NXPH2: variants seen among roughly 807,000 people sequenced by gnomAD.
NXPH2 encodes neurexophilin 2, also known as neurexophilin-2.
Under a neutral mutation model 19.8 loss-of-function variants are expected in NXPH2, and 5 were observed. The ratio of observed to expected loss-of-function variants is 0.25; its 90% CI spans 0.13 to 0.53. The LOEUF is 0.53. Among genes scored for constraint, NXPH2 ranks in the 20% least tolerant of loss-of-function variants. NXPH2 has a pLI of 0.96. For synonymous variants in NXPH2, 154 were observed against 127.4 expected (o/e 1.21, Z -1.41); for missense variants, 289 against 322.8 (o/e 0.90, Z 0.80).
chr2:138,679,193 G>A (rs998988369), intron 1 of NXPH2, among the ~76,000 whole-genome samples: 15 of 152,196 alleles, frequency 9.9e-5, no homozygotes, highest in African/African-American at 3.4e-4. Flanking sequence ...GAGCTTCTGG[G>A]GTTCAACTTC....
At chr2:138,690,680 GTTAC>G (rs1307398813) in intron 1 of NXPH2, among the ~76,000 whole-genome samples, 3 of 151,984 alleles carry the variant, frequency 2.0e-5, no homozygotes, top group African/African-American at 7.2e-5. Context: ...TAGGCTGCAA[GTTAC>G]TTACAGTGTC....
At chr2:138,733,535 A>G (rs1251611673) in intron 1 of NXPH2, among the ~76,000 whole-genome samples, 2 of 152,214 alleles carry the variant, frequency 1.3e-5, no homozygotes, top group Non-Finnish European at 2.9e-5. Context: ...AAATGAATGG[A>G]GAGACATGTG....
At chr2:138,724,202 T>A (rs1219640214) in intron 1 of NXPH2, among the ~76,000 whole-genome samples, 2 of 152,248 alleles carry the variant, frequency 1.3e-5, no homozygotes, top group Non-Finnish European at 2.9e-5. Flanking sequence ...TTTGGTTTTC[T>A]GTTCCTGTGT....
chr2:138,765,814 C>T (rs1408943112), intron 1 of NXPH2, among the ~76,000 whole-genome samples: 2 of 152,176 alleles, frequency 1.3e-5, no homozygotes, highest in Non-Finnish European at 2.9e-5. Context: ...TTAATTGTAA[C>T]AAATTTGCAT....
Position 138,671,453 on chromosome 2 carries a change from C to G in NXPH2, c.264G>C (p.Thr88=), listed in dbSNP as rs779942366. The G allele has an allele frequency of 1.9e-6, 3 of 1,613,764 alleles. No homozygotes were observed. The highest frequency in any genetic ancestry group is 2.7e-5 in the African/African-American group (2 of 74,930). The change falls in exon 2 of 2, where the codon ACG becomes ACC. Residue 88 remains threonine, a synonymous_variant. Coordinates refer to ENST00000272641, the MANE Select transcript of NXPH2 (RefSeq NM_007226.3). ...ENFWDWLANI[T]EIQEPLARTK... is the part of the protein sequence containing the mutation. Reference sequence around the variant, plus strand: ...TTCTTGCCAATGGCTCCTGAATCTCCGTGATGTTGGCCAGCCAATCCCAAA... The same window carrying G: ...TTCTTGCCAATGGCTCCTGAATCTCGGTGATGTTGGCCAGCCAATCCCAAA...
intron 1 of NXPH2, among the ~76,000 whole-genome samples, chr2:138,777,054 A>G (rs1262385757): frequency 6.7e-6 from 1 of 149,298 alleles, no homozygotes. Flanking sequence ...TTTATCTTAA[A>G]CGTTAGCTAA....
intron 1 of NXPH2, among the ~76,000 whole-genome samples, chr2:138,698,048 A>G (rs1486109667): frequency 2.0e-5 from 3 of 152,144 alleles, no homozygotes; most frequent in Non-Finnish European, 4.4e-5. Context: ...TGATGTAATA[A>G]TTGTACTTCT....
At chr2:138,750,147 GA>G (rs1417056397) in intron 1 of NXPH2, among the ~76,000 whole-genome samples, 2 of 151,954 alleles carry the variant, frequency 1.3e-5, no homozygotes, top group Non-Finnish European at 2.9e-5. Context: ...TAATAATGCA[GA>G]TTTTTTTTAC....
At chr2:138,760,913 C>A (rs1682001362) in intron 1 of NXPH2, among the ~76,000 whole-genome samples, 1 of 152,120 alleles carries the variant, frequency 6.6e-6, no homozygotes, top group Non-Finnish European at 1.5e-5. Flanking sequence ...ATTTCAACTC[C>A]AGATAGAAAG....
chr2:138,700,167 C>T (rs1001583618), intron 1 of NXPH2, among the ~76,000 whole-genome samples: 1 of 152,178 alleles, frequency 6.6e-6, no homozygotes, highest in Non-Finnish European at 1.5e-5. Flanking sequence ...GAACCCAAGT[C>T]CCCAAATCCC....
chr2:138,732,063 C>T (rs966155228), intron 1 of NXPH2, among the ~76,000 whole-genome samples: 3 of 152,144 alleles, frequency 2.0e-5, no homozygotes, highest in African/African-American at 7.2e-5. Context: ...CAAACAGTGG[C>T]AAACATGGCA....
chr2:138,773,140 A>G lies in NXPH2; in HGVS notation c.51+7051T>C, dbSNP rs527596007. 1.3e-4 allele frequency among the ~76,000 whole-genome samples: 20 copies of G among 152,328 alleles called. 1 individual carries two copies. Among genetic ancestry groups the G allele is most frequent in the African/African-American group, 4.1e-4 (17 of 41,582 alleles). On this transcript the variant is annotated intron_variant, in intron 1 of 1. Transcript: ENST00000272641. ...ACATGTTGAGTGTGAGTTAACAGTA[A>G]AACATCCAAGTAAAACAGAACAGTA... is the stretch of plus-strand genomic sequence containing the variant.
intron 1 of NXPH2, among the ~76,000 whole-genome samples, chr2:138,757,833 CTATCT>C (rs2104837169): frequency 7.4e-6 from 1 of 135,788 alleles, no homozygotes; most frequent in South Asian, 2.5e-4. Flanking sequence ...ATCTATCTAT[CTATCT>C]ATCTATCTAT....
At chr2:138,710,365 G>A (rs1431356595) in intron 1 of NXPH2, among the ~76,000 whole-genome samples, 1 of 152,162 alleles carries the variant, frequency 6.6e-6, no homozygotes, top group Non-Finnish European at 1.5e-5. Flanking sequence ...ATGCTGTAAT[G>A]AAGATTGGTA....
At chr2:138,740,948 G>A (rs184847489) in intron 1 of NXPH2, among the ~76,000 whole-genome samples, 115 of 151,954 alleles carry the variant, frequency 7.6e-4, no homozygotes, top group African/African-American at 2.6e-3. Flanking sequence ...GTGGGGGCTG[G>A]GGGTGGGGTG....
At chr2:138,679,317 T>C (rs1392753002) in intron 1 of NXPH2, among the ~76,000 whole-genome samples, 1 of 152,190 alleles carries the variant, frequency 6.6e-6, no homozygotes, top group Non-Finnish European at 1.5e-5. Flanking sequence ...CCTAGGCCAG[T>C]GTTTAGCAAG....
chr2:138,751,604 C>T (rs565255338), intron 1 of NXPH2, among the ~76,000 whole-genome samples: 103 of 152,152 alleles, frequency 6.8e-4, no homozygotes, highest in African/African-American at 2.4e-3. Flanking sequence ...GAAAGTTTTG[C>T]CTCTCTGAGA....
At chr2:138,743,163 T>C (rs1681670999) in intron 1 of NXPH2, among the ~76,000 whole-genome samples, 1 of 152,228 alleles carries the variant, frequency 6.6e-6, no homozygotes, top group African/African-American at 2.4e-5. Flanking sequence ...ACAAAGGCAG[T>C]TAGCCTGCAT....
intron 1 of NXPH2, among the ~76,000 whole-genome samples, chr2:138,754,923 T>G (rs34688961): frequency 1.3e-5 from 2 of 152,142 alleles, no homozygotes; most frequent in Non-Finnish European, 2.9e-5. Context: ...ATGTGTATTG[T>G]GGTATCTTCT....
Sources: gnomAD v4.1 joint callset for allele counts (sites outside exome capture counted in the v4.1 genomes callset) on GRCh38, gnomAD v4.1.1 for gene constraint, MANE v1.5 for transcripts, NCBI Gene and HGNC (gene_info 2026-07-23, HGNC 2026-07-21) for gene names.